PATL1: variants seen among roughly 807,000 people sequenced by gnomAD.
The protein encoded by PATL1 is PAT1 homolog 1, processing body mRNA decay factor, also known as protein PAT1 homolog 1.
PATL1 carries 32 observed loss-of-function variants against 100.6 expected under a neutral mutation model. The observed-to-expected ratio is 0.32, with a 90% confidence interval of 0.24 to 0.43. PATL1 has a LOEUF of 0.43. PATL1 is among the 20% of genes least tolerant of loss of function. The pLI is 1.00. For synonymous variants in PATL1, 332 were observed against 330.0 expected, an observed-to-expected ratio of 1.01 and a Z score of -0.07; for missense variants, 747 against 949.9, an observed-to-expected ratio of 0.79 and a Z score of 2.81.
rs1565134640 is a variant in PATL1 at position 59,656,603 on chromosome 11, A to G, written c.622-3T>C. 2 of 1,611,980 alleles carry G rather than the reference A, an allele frequency of 1.2e-6. No individual in the cohort carries two copies. The highest frequency in any genetic ancestry group is 1.3e-5 in the African/African-American group (1 of 74,974). The stretch of plus-strand genomic sequence containing the variant: ...TGGACAGGCTTCGGACACAGAATCT[A>G]TCAGGACAAACATATATACAACTAC... On this transcript the variant is annotated splice_polypyrimidine_tract_variant and splice_region_variant and intron_variant, in intron 5 of 18. Coordinates refer to ENST00000300146, the MANE Select transcript of PATL1 (RefSeq NM_152716.3).
At chr11:59,640,299 C>A (rs1278198083) in intron 16 of PATL1, among the ~76,000 whole-genome samples, 2 of 150,364 alleles carry the variant, frequency 1.3e-5, no homozygotes, top group Non-Finnish European at 3.0e-5. Flanking sequence ...CAAGATCGCA[C>A]CATTGCGCTC....
chr11:59,659,374 C>T lies in PATL1; in HGVS notation c.223G>A (p.Glu75Lys). ...NEQTGNGERD[E>K]MDLLGDHEEN... ...TCATGGTCACCCAACAAGTCCATTT[C>T]ATCTCTCTCTCCATTGCCTGTTTGT... Residue 75 changes from glutamate to lysine, a missense_variant, in exon 3 of 19, where the codon GAA becomes AAA. By Grantham distance (56) the Glu-to-Lys change is moderately conservative (BLOSUM62 1). This residue lies in a region of PATL1 where 183 missense variants were observed against 221.2 expected (regional missense o/e 0.83). Transcript: ENST00000300146. 1.3e-6 allele frequency: 2 copies of T among 1,551,404 alleles called. No individual in the cohort carries two copies. Among genetic ancestry groups the T allele is most frequent in the Non-Finnish European group, 8.7e-7 (1 of 1,146,840 alleles).
chr11:59,666,841 G>C lies in PATL1; in HGVS notation c.127+12C>G. 1 of 1,546,076 alleles carries C rather than the reference G, an allele frequency of 6.5e-7. No individual in the cohort carries two copies. Among genetic ancestry groups the C allele is most frequent in the East Asian group, 2.4e-5 (1 of 40,828 alleles). On this transcript the variant is annotated intron_variant, in intron 2 of 18. Transcript: ENST00000300146. ...GGCTAAGATGATATTATAAGCGAAA[G>C]ATGTCACTTACCAACTGCACCTGAC... is the stretch of plus-strand genomic sequence containing the variant.
chr11:59,660,910 G>T (rs1367365055), intron 2 of PATL1, among the ~76,000 whole-genome samples: 1 of 152,028 alleles, frequency 6.6e-6, no homozygotes, highest in East Asian at 1.9e-4. Context: ...TGGTATGTTG[G>T]CATCATTTTT....
intron 9 of PATL1, among the ~76,000 whole-genome samples, chr11:59,653,301 T>C (rs1861472819): frequency 1.3e-5 from 2 of 152,162 alleles, no homozygotes; most frequent in South Asian, 2.1e-4. Context: ...GTGAGGTAGG[T>C]AGTTTTCTCT....
intron 9 of PATL1, 107 bp downstream of exon 9, chr11:59,653,876 T>C: frequency 1.1e-6 from 1 of 901,074 alleles, no homozygotes; most frequent in South Asian, 1.5e-5. Context: ...TTTATGGATA[T>C]GAAGTAAACT....
At position 59,649,548 on chromosome 11, in the gene PATL1, T is replaced by G; in HGVS notation, c.1647A>C (p.Glu549Asp). The change falls in exon 14 of 19, where the codon GAA becomes GAC. Residue 549 changes from glutamate to aspartate, a missense_variant. Physicochemically the swap from Glu to Asp is conservative, Grantham distance 45. This residue lies in a region of PATL1 where 434 missense variants were observed against 596.1 expected (regional missense o/e 0.73). Coordinates refer to ENST00000300146, the MANE Select transcript of PATL1 (RefSeq NM_152716.3). ...YERRYLLSLE[E>D]ERPALMDDRK... Reference sequence around the variant, plus strand: ...TGTCATCCATTAGGGCAGGTCGCTCTTCTTCCAGACTTAGGAGATAACGTC... The same window carrying G: ...TGTCATCCATTAGGGCAGGTCGCTCGTCTTCCAGACTTAGGAGATAACGTC... The G allele has an allele frequency of 6.2e-7, 1 of 1,613,858 alleles. No individual in the cohort carries two copies. Among genetic ancestry groups the G allele is most frequent in the Non-Finnish European group, 8.5e-7 (1 of 1,179,822 alleles).
At chr11:59,657,820 TA>T in intron 4 of PATL1, 96 bp from the exon 5 acceptor site, 1 of 942,832 alleles carries the variant, frequency 1.1e-6, no homozygotes, top group African/African-American at 1.7e-5. Context: ...GAAATTTTTT[TA>T]ACTTTTTATT....
In PATL1 at chr11:59,655,750, G is replaced by C; in HGVS notation, c.814-10C>G. On this transcript the variant is annotated splice_polypyrimidine_tract_variant and intron_variant, in intron 7 of 18. Transcript: ENST00000300146. The stretch of plus-strand genomic sequence containing the variant: ...TCCGTCCAGGCTGTAGCTACAAAGA[G>C]GAAGAAGATCTTAGATTTAGACAAT... 6.4e-7 allele frequency: 1 copy of C among 1,573,386 alleles called. No homozygotes were observed. The highest frequency in any genetic ancestry group is 8.6e-7 in the Non-Finnish European group (1 of 1,157,998).
intron 15 of PATL1, 44 bp from the exon 16 acceptor site, chr11:59,643,079 T>C (rs1247522316): frequency 3.1e-6 from 5 of 1,591,208 alleles, no homozygotes; most frequent in Non-Finnish European, 3.4e-6. Flanking sequence ...CACGTGTTAC[T>C]TCAGTTACCC....
chr11:59,647,722 C>A (rs1184064972), intron 15 of PATL1, 32 bp downstream of exon 15: 3 of 1,607,896 alleles, frequency 1.9e-6, no homozygotes, highest in Middle Eastern at 1.7e-4. Context: ...TATAAAGACT[C>A]AAAAGAAAGA....
chr11:59,665,692 AG>A lies in PATL1; in HGVS notation c.127+1160del, dbSNP rs1160174420. Among the ~76,000 whole-genome samples the A allele has an allele frequency of 2.0e-4, 31 of 152,306 alleles. No individual in the cohort carries two copies. The East Asian group carries it at 5.8e-3, about 28-fold the overall frequency. ...TCTCAGCTACTTGGGAGGCTGAGAC[AG>A]GAGAACTGCTTGAACTGGGGAGGCA... On this transcript the variant is annotated intron_variant, in intron 2 of 18. Transcript: ENST00000300146.
chr11:59,655,411 A>G, intron 8 of PATL1, 112 bp downstream of exon 8: 7 of 1,027,572 alleles, frequency 6.8e-6, no homozygotes, highest in Non-Finnish European at 9.7e-6. Context: ...TGAGGATCCA[A>G]TAACATCTTA....
Position 59,652,939 on chromosome 11 carries a change from A to G in PATL1, c.1201T>C (p.Tyr401His), listed in dbSNP as rs1861467423. 1 of 1,613,856 alleles carries G rather than the reference A, an allele frequency of 6.2e-7. No homozygotes were observed. Among genetic ancestry groups the G allele is most frequent in the Non-Finnish European group, 8.5e-7 (1 of 1,179,892 alleles). The part of the protein sequence containing the change: ...SHQDHLRKDP[Y>H]ANLMLQREKD... ...TCCCGCTGCAACATGAGATTGGCAT[A>G]TGGATCCTTTCGGAGATGATCTTGA... is the stretch of plus-strand genomic sequence containing the variant. Residue 401 changes from tyrosine to histidine, a missense_variant, in exon 10 of 19, where the codon TAT becomes CAT. Coordinates refer to ENST00000300146, the MANE Select transcript of PATL1 (RefSeq NM_152716.3).
At chr11:59,642,034 G>C (rs1039407386) in intron 16 of PATL1, among the ~76,000 whole-genome samples, 1 of 151,984 alleles carries the variant, frequency 6.6e-6, no homozygotes, top group East Asian at 1.9e-4. Flanking sequence ...GCATTATATC[G>C]AACCACTTAC....
chr11:59,663,143 TG>T (rs1861648975), intron 2 of PATL1, among the ~76,000 whole-genome samples: 1 of 152,152 alleles, frequency 6.6e-6, no homozygotes, highest in Non-Finnish European at 1.5e-5. Context: ...AGTCCATTAT[TG>T]GTCAAAATGA....
intron 12 of PATL1, among the ~76,000 whole-genome samples, chr11:59,651,063 T>G (rs929542946): frequency 6.6e-6 from 1 of 152,182 alleles, no homozygotes; most frequent in South Asian, 2.1e-4. Context: ...ATATGAAATA[T>G]GAAAATCTTT....
At chr11:59,646,579 C>T (rs1231018732) in intron 15 of PATL1, among the ~76,000 whole-genome samples, 1 of 152,114 alleles carries the variant, frequency 6.6e-6, no homozygotes, top group Non-Finnish European at 1.5e-5. Flanking sequence ...GCTAACATTT[C>T]AAGGATCTAT....
chr11:59,652,253 T>A (rs1265431553), intron 11 of PATL1, among the ~76,000 whole-genome samples: 3 of 151,958 alleles, frequency 2.0e-5, no homozygotes, highest in African/African-American at 7.3e-5. Context: ...AAATCTCAAG[T>A]AGAAAAGGAC....
Sources: allele counts gnomAD v4.1 joint callset (sites outside exome capture counted in the v4.1 genomes callset), GRCh38; gene constraint gnomAD v4.1.1; regional missense constraint gnomAD v4.1.1; transcripts MANE v1.5; gene names NCBI Gene and HGNC (gene_info 2026-07-23, HGNC 2026-07-21).